MMP20: variants seen among roughly 807,000 people sequenced by gnomAD.
MMP20 encodes the protein matrix metalloproteinase-20.
A neutral mutation model predicts 51.8 loss-of-function variants in MMP20; 50 were observed. The ratio of observed to expected loss-of-function variants is 0.97; its 90% CI spans 0.77 to 1.22. The LOEUF (loss-of-function observed/expected upper bound fraction) is 1.22. Ranked by LOEUF, MMP20 falls within the 50% of genes most tolerant of loss-of-function variation. MMP20 has a pLI of 0.00. For synonymous variants in MMP20, 244 were observed against 216.2 expected (o/e 1.13, Z -1.13); for missense variants, 663 against 601.4 (o/e 1.10, Z -1.07).
Position 102,611,818 on chromosome 11 carries a change from G to T in MMP20, c.460C>A (p.Pro154Thr). The T allele has an allele frequency of 6.2e-7, 1 of 1,614,212 alleles. No homozygotes were observed. The highest frequency in any genetic ancestry group is 8.5e-7 in the Non-Finnish European group (1 of 1,180,034). ...MALQAWSSAV[P>T]LSFVRINSGE... ...GAGTTTATTCTGACAAAGCTCAGAGGGACGGCGCTACTCCAGGCCTGCAAG... is the reference window on the plus strand; with the variant it reads ...GAGTTTATTCTGACAAAGCTCAGAGTGACGGCGCTACTCCAGGCCTGCAAG... Residue 154 changes from proline (P) to threonine (T), a missense_variant, in exon 3 of 10, where the codon CCT becomes ACT. Transcript: ENST00000260228.
intron 2 of MMP20, among the ~76,000 whole-genome samples, chr11:102,612,106 T>C (rs1859609139): frequency 6.6e-6 from 1 of 152,214 alleles, no homozygotes; most frequent in Non-Finnish European, 1.5e-5. Context: ...TGAGAGACAG[T>C]TGGGATAATC....
intron 8 of MMP20, among the ~76,000 whole-genome samples, chr11:102,589,977 C>G (rs1333203079): frequency 6.6e-6 from 1 of 151,988 alleles, no homozygotes; most frequent in Non-Finnish European, 1.5e-5. Context: ...CAATGATGCC[C>G]CGAGTCTGAC....
At chr11:102,611,656 AAGG>A (rs1427572179) in intron 3 of MMP20, 96 bp downstream of exon 3, 6 of 1,451,862 alleles carry the variant, frequency 4.1e-6, no homozygotes, top group South Asian at 1.2e-5. Flanking sequence ...GCACTGTGCG[AAGG>A]AGGAGTGTGT....
intron 2 of MMP20, 37 bp from the exon 3 acceptor site, chr11:102,611,940 A>T: frequency 1.9e-6 from 3 of 1,605,656 alleles, no homozygotes; most frequent in Non-Finnish European, 2.6e-6. Flanking sequence ...CTTTTCAGTA[A>T]CTGCTCCGAA....
intron 6 of MMP20, among the ~76,000 whole-genome samples, chr11:102,595,190 G>T (rs1383432257): frequency 2.0e-5 from 3 of 152,088 alleles, no homozygotes; most frequent in East Asian, 1.9e-4. Flanking sequence ...GCCTCCCAAA[G>T]TGCTGGGATT....
chr11:102,595,715 C>T (rs956346899), intron 6 of MMP20, among the ~76,000 whole-genome samples: 9 of 152,222 alleles, frequency 5.9e-5, no homozygotes, highest in South Asian at 2.1e-4. Flanking sequence ...AGCAATTCAT[C>T]TATCCATTTA....
chr11:102,599,845 C>A (rs182990304), intron 6 of MMP20, among the ~76,000 whole-genome samples: 23 of 152,270 alleles, frequency 1.5e-4, no homozygotes, highest in Admixed American at 6.5e-4. Flanking sequence ...AAATATAGTT[C>A]ATACAACTAA....
Position 102,577,186 on chromosome 11 carries a change from A to G in MMP20, c.*140T>C. The G allele has an allele frequency of 1.5e-6, 1 of 663,906 alleles. No individual in the cohort carries two copies. The highest frequency in any genetic ancestry group is 2.7e-6 in the Non-Finnish European group (1 of 371,634). The allele number at this position is 663,906 out of a possible 1,614,324, so 41.1% of individuals were successfully genotyped here. On this transcript the variant is annotated 3_prime_UTR_variant, in exon 10 of 10. Coordinates refer to ENST00000260228, the MANE Select transcript of MMP20 (RefSeq NM_004771.4). The stretch of plus-strand genomic sequence containing the variant: ...TACAACTATGAAAAAAATTGGAAGT[A>G]TTATTATTCTCAGTGAATTCTAATT...
chr11:102,593,555 A>T lies in MMP20; in HGVS notation c.1131T>A (p.Gly377=). ...YWITRGFQMQ[G]PPRTIYDFGF... ...CAAAGTCATAAATAGTCCGAGGAGG[A>T]CCTTGCATTTGGAATCCTCTTGTTA... Residue 377 remains glycine (G), a synonymous_variant, in exon 8 of 10, where the codon GGT becomes GGA. Transcript: ENST00000260228. The T allele has an allele frequency of 6.2e-7, 1 of 1,614,096 alleles. No homozygotes were observed. Among genetic ancestry groups the T allele is most frequent in the Non-Finnish European group, 8.5e-7 (1 of 1,179,982 alleles).
chr11:102,592,446 C>A (rs899633591), intron 8 of MMP20, among the ~76,000 whole-genome samples: 5 of 151,990 alleles, frequency 3.3e-5, no homozygotes, highest in African/African-American at 1.2e-4. Flanking sequence ...TATTTATGTG[C>A]CTCACTTATA....
chr11:102,597,337 G>A (rs903648590), intron 6 of MMP20, among the ~76,000 whole-genome samples: 2 of 152,224 alleles, frequency 1.3e-5, no homozygotes, highest in Admixed American at 6.5e-5. Context: ...GTAAAGGGTA[G>A]TAGTTACGAG....
intron 8 of MMP20, among the ~76,000 whole-genome samples, chr11:102,581,208 A>G (rs1455813492): frequency 6.6e-6 from 1 of 152,042 alleles, no homozygotes; most frequent in East Asian, 1.9e-4. Flanking sequence ...CACCTGGCAC[A>G]TGTAGCACCA....
At chr11:102,615,256 G>T (rs1859654985) in intron 2 of MMP20, among the ~76,000 whole-genome samples, 1 of 146,190 alleles carries the variant, frequency 6.8e-6, no homozygotes, top group African/African-American at 2.5e-5. Flanking sequence ...ATATAAATAT[G>T]AAATAATATA....
chr11:102,594,841 T>C (rs1284222972), intron 6 of MMP20, 84 bp from the exon 7 acceptor site: 1 of 1,529,346 alleles, frequency 6.5e-7, no homozygotes, highest in African/African-American at 1.4e-5. Context: ...GACTGAAATG[T>C]ACTCAGAGGC....
intron 8 of MMP20, 123 bp downstream of exon 8, chr11:102,593,316 G>A (rs1489408978): frequency 1.1e-6 from 1 of 903,344 alleles, no homozygotes; most frequent in Non-Finnish European, 1.7e-6. Flanking sequence ...GCACCCCAGT[G>A]GCCGAGAAGA....
intron 8 of MMP20, among the ~76,000 whole-genome samples, chr11:102,582,366 A>C (rs1402900121): frequency 6.6e-6 from 1 of 152,216 alleles, no homozygotes; most frequent in East Asian, 1.9e-4. Flanking sequence ...AAAGGGCGGC[A>C]AAAAGGGGAA....
At chr11:102,618,184 A>G (rs757494891) in intron 1 of MMP20, among the ~76,000 whole-genome samples, 1 of 152,310 alleles carries the variant, frequency 6.6e-6, no homozygotes, top group South Asian at 2.1e-4. Context: ...CTTCCCTGAA[A>G]CAGATGCAAC....
rs1156492417 is a variant in MMP20, at chr11:102,596,333, T to A, written c.954-1576A>T. 2.0e-5 allele frequency among the ~76,000 whole-genome samples: 3 copies of A among 152,124 alleles called. No individual in the cohort carries two copies. The East Asian group carries it at 5.8e-4, about 29-fold the overall frequency. ...ATCATGGTGCAGAAGGAAAAACACA[T>A]TGTGTTTGAGAAGATGTGGGCTAGA... On this transcript the variant is annotated intron_variant, in intron 6 of 9. Coordinates refer to ENST00000260228, the MANE Select transcript of MMP20 (RefSeq NM_004771.4).
chr11:102,588,828 C>T (rs965217081), intron 8 of MMP20, among the ~76,000 whole-genome samples: 8 of 152,086 alleles, frequency 5.3e-5, no homozygotes, highest in African/African-American at 1.9e-4. Flanking sequence ...GTCTTTATTT[C>T]TCCTTCATTT....
Sources: allele counts gnomAD v4.1 joint callset (sites outside exome capture counted in the v4.1 genomes callset), GRCh38; gene constraint gnomAD v4.1.1; transcripts MANE v1.5; gene names NCBI Gene and HGNC (gene_info 2026-07-23, HGNC 2026-07-21).